CNTD1: variants seen among roughly 807,000 people sequenced by gnomAD.
CNTD1 encodes cyclin N-terminal domain containing 1.
In CNTD1, 17 loss-of-function variants were observed where a neutral mutation model predicts 36.3. The ratio of observed to expected loss-of-function variants is 0.47; its 90% CI spans 0.32 to 0.70. The LOEUF is 0.70. Ranked by LOEUF, CNTD1 falls within the 30% of genes least tolerant of loss-of-function variation. CNTD1 has a pLI of 0.03. For synonymous variants in CNTD1, 128 were observed against 153.3 expected, an observed-to-expected ratio of 0.83 and a Z score of 1.22; for missense variants, 338 against 386.1, an observed-to-expected ratio of 0.88 and a Z score of 1.04.
At chr17:42,808,315 G>A (rs1396183524) in intron 6 of CNTD1, among the ~76,000 whole-genome samples, 4 of 151,996 alleles carry the variant, frequency 2.6e-5, no homozygotes, top group African/African-American at 4.8e-5. Context: ...TTAGGAGGCC[G>A]AGGTGGGTGG....
At chr17:42,800,538 T>G (rs2054762511) in intron 1 of CNTD1, among the ~76,000 whole-genome samples, 1 of 152,180 alleles carries the variant, frequency 6.6e-6, no homozygotes, top group Non-Finnish European at 1.5e-5. Flanking sequence ...AGTTTATCCT[T>G]GGTTTGGTAG....
rs777631230 is a variant in CNTD1, at chr17:42,804,285, T to C, written c.306T>C (p.Asn102=). The C allele has an allele frequency of 1.2e-6, 2 of 1,614,042 alleles. No individual in the cohort carries two copies. Among genetic ancestry groups the C allele is most frequent in the Non-Finnish European group, 1.7e-6 (2 of 1,179,986 alleles). The change falls in exon 3 of 7, where the codon AAT becomes AAC. Residue 102 remains asparagine (N), a synonymous_variant. Coordinates refer to ENST00000588408, the MANE Select transcript of CNTD1 (RefSeq NM_173478.3). The stretch of plus-strand genomic sequence containing the variant: ...AAGCCACAATCCAGCCAAGAGATAA[T>C]AAGAGAGAGTCTCAGAATTGGAGGG... ...CRQATIQPRD[N]KRESQNWRAL...
At chr17:42,807,468 GTGTT>G (rs1445272384) in intron 5 of CNTD1, among the ~76,000 whole-genome samples, 1 of 152,032 alleles carries the variant, frequency 6.6e-6, no homozygotes, top group Admixed American at 6.6e-5. Context: ...TTGGACAAGA[GTGTT>G]TGATTACTGT....
chr17:42,807,904 T>G (rs1173899545), intron 6 of CNTD1, 40 bp downstream of exon 6: 14 of 1,445,958 alleles, frequency 9.7e-6, no homozygotes, highest in Non-Finnish European at 1.3e-5. Context: ...TGAGAATTCA[T>G]TTAACAGAAA....
At chr17:42,801,277 G>C (rs1393061545) in intron 1 of CNTD1, among the ~76,000 whole-genome samples, 2 of 149,124 alleles carry the variant, frequency 1.3e-5, no homozygotes, top group Non-Finnish European at 3.0e-5. Context: ...ACTTTTGTTT[G>C]GGAAAGATAA....
rs1337142102 is a variant in CNTD1 at position 42,801,530 on chromosome 17, T to A, written c.170-2090T>A. ...AAAAAAATATATATATATATATATATATATATATATATATATAATATATGT... is the reference window on the plus strand; with the variant it reads ...AAAAAAATATATATATATATATATAAATATATATATATATATAATATATGT... On this transcript the variant is annotated intron_variant, in intron 1 of 6. Coordinates refer to ENST00000588408, the MANE Select transcript of CNTD1 (RefSeq NM_173478.3). 9.2e-4 allele frequency among the ~76,000 whole-genome samples: 75 copies of A among 81,228 alleles called. 3 individuals carry two copies. Among genetic ancestry groups the A allele is most frequent in the African/African-American group, 3.4e-3 (69 of 20,008 alleles). 53.3% of individuals were successfully genotyped at this position (81,228 alleles called of 152,430 possible).
At chr17:42,804,453 T>C in intron 3 of CNTD1, 57 bp downstream of exon 3, 5 of 1,440,942 alleles carry the variant, frequency 3.5e-6, no homozygotes, top group Non-Finnish European at 4.8e-6. Context: ...CCAGCTTTTA[T>C]ACAAAGGGGG....
chr17:42,801,549 T>TATATA (rs1567660361), intron 1 of CNTD1, among the ~76,000 whole-genome samples: 70 of 45,412 alleles, frequency 1.5e-3, no homozygotes, highest in South Asian at 3.9e-3. Context: ...ATATATATAA[T>TATATA]ATATGTGTGT....
Position 42,810,888 on chromosome 17 carries a change from T to G in CNTD1, c.*1353T>G, listed in dbSNP as rs751161673. 1.2e-6 allele frequency: 2 copies of G among 1,612,692 alleles called. No individual in the cohort carries two copies. Among genetic ancestry groups the G allele is most frequent in the African/African-American group, 2.7e-5 (2 of 74,870 alleles). The stretch of plus-strand genomic sequence containing the variant: ...GTTTTGATGGAATAGGAGCCGCCAC[T>G]GCCTCCTGTGTCTTCAATCTTGCCT... On this transcript the variant is annotated 3_prime_UTR_variant, in exon 7 of 7. Coordinates refer to ENST00000588408, the MANE Select transcript of CNTD1 (RefSeq NM_173478.3).
Position 42,810,761 on chromosome 17 carries a change from C to T in CNTD1, c.*1226C>T, listed in dbSNP as rs1429110551. On this transcript the variant is annotated 3_prime_UTR_variant, in exon 7 of 7. Transcript: ENST00000588408. ...CAAACCTCCCCCTAAGGAAAAAAGT[C>T]ATTTGTTATAAAATTGTGAGGACAC... 6.3e-7 allele frequency: 1 copy of T among 1,598,062 alleles called. No homozygotes were observed. Among genetic ancestry groups the T allele is most frequent in the Non-Finnish European group, 8.5e-7 (1 of 1,173,354 alleles).
Position 42,804,220 on chromosome 17 carries a change from T to C in CNTD1, c.246-5T>C, listed in dbSNP as rs1346259152. The C allele has an allele frequency of 1.2e-6, 2 of 1,611,912 alleles. No homozygotes were observed. The highest frequency in any genetic ancestry group is 3.4e-5 in the Admixed American group (2 of 59,692). ...GATTGTTTACTCTCCCTCCCTTCCC[T>C]ACAGGTTTATGGTAAAACAGGCAGA... On this transcript the variant is annotated splice_region_variant and splice_polypyrimidine_tract_variant and intron_variant, in intron 2 of 6. Coordinates refer to ENST00000588408, the MANE Select transcript of CNTD1 (RefSeq NM_173478.3).
chr17:42,810,666 A>G lies in CNTD1; in HGVS notation c.*1131A>G. On this transcript the variant is annotated 3_prime_UTR_variant, in exon 7 of 7. Transcript: ENST00000588408. ...TTCTTTTTTGGTATTGTAAACATGTACTGTTTAATATTACCCGAATTTAAT... is the reference window on the plus strand; with the variant it reads ...TTCTTTTTTGGTATTGTAAACATGTGCTGTTTAATATTACCCGAATTTAAT... The G allele has an allele frequency of 7.6e-7, 1 of 1,318,548 alleles. No homozygotes were observed. The highest frequency in any genetic ancestry group is 2.4e-5 in the East Asian group (1 of 41,598). The allele number at this position is 1,318,548 out of a possible 1,614,324, so 81.7% of individuals were successfully genotyped here. A position where few individuals can be genotyped will look rare whatever the true frequency, so the allele number is the denominator to read the frequency against.
intron 3 of CNTD1, among the ~76,000 whole-genome samples, chr17:42,804,698 C>G (rs1374789975): frequency 6.6e-6 from 1 of 152,002 alleles, no homozygotes; most frequent in Admixed American, 6.6e-5. Flanking sequence ...ATTCCAGCTC[C>G]TCAGGAGGCT....
Position 42,811,292 on chromosome 17 carries a change from T to G in CNTD1, c.*1757T>G, listed in dbSNP as rs564563885. The G allele has an allele frequency of 3.6e-6, 1 of 278,372 alleles. No individual in the cohort carries two copies. Among genetic ancestry groups the G allele is most frequent in the African/African-American group, 2.2e-5 (1 of 45,806 alleles). 17.2% of individuals were successfully genotyped at this position (278,372 alleles called of 1,614,324 possible). A position where few individuals can be genotyped will look rare whatever the true frequency, so the allele number is the denominator to read the frequency against. On this transcript the variant is annotated 3_prime_UTR_variant, in exon 7 of 7. Coordinates refer to ENST00000588408, the MANE Select transcript of CNTD1 (RefSeq NM_173478.3). ...TTTGGGGTGATAGAAGCAGCCTTAC[T>G]CTAAGTAAAAACTAGAGTTTCCATC...
At chr17:42,801,493 C>G (rs2054782347) in intron 1 of CNTD1, among the ~76,000 whole-genome samples, 1 of 46,998 alleles carries the variant, frequency 2.1e-5, no homozygotes, top group African/African-American at 1.3e-4. Context: ...GAGACCTTGT[C>G]TCAAAAAAAA....
chr17:42,799,622 C>T (rs764644466), intron 1 of CNTD1, among the ~76,000 whole-genome samples: 9 of 151,326 alleles, frequency 5.9e-5, no homozygotes, highest in Non-Finnish European at 7.4e-5. Context: ...ACTGGTGGCG[C>T]GCACCTCTAA....
chr17:42,801,666 A>T (rs1454081214), intron 1 of CNTD1, among the ~76,000 whole-genome samples: 2 of 150,884 alleles, frequency 1.3e-5, no homozygotes, highest in Non-Finnish European at 2.9e-5. Context: ...CTATTCAAAG[A>T]GTAGGTTAGA....
rs1274380072 is a variant in CNTD1, at chr17:42,811,091, G to A, written c.*1556G>A. On this transcript the variant is annotated 3_prime_UTR_variant, in exon 7 of 7. Coordinates refer to ENST00000588408, the MANE Select transcript of CNTD1 (RefSeq NM_173478.3). ...GATTTGCTTGAAAGCCAAAAATCAAGAAGACTGTCACAAGAGCCTCATTGT... is the reference window on the plus strand; with the variant it reads ...GATTTGCTTGAAAGCCAAAAATCAAAAAGACTGTCACAAGAGCCTCATTGT... 3.0e-6 allele frequency: 2 copies of A among 665,556 alleles called. No individual in the cohort carries two copies. The highest frequency in any genetic ancestry group is 2.4e-6 in the Non-Finnish European group (1 of 423,694). 41.2% of individuals were successfully genotyped at this position (665,556 alleles called of 1,614,324 possible).
At chr17:42,802,859 A>G (rs1597914140) in intron 1 of CNTD1, among the ~76,000 whole-genome samples, 1 of 152,354 alleles carries the variant, frequency 6.6e-6, no homozygotes, top group East Asian at 1.9e-4. Flanking sequence ...CAAGATAAAT[A>G]TAATTCTATC....
Sources: allele counts gnomAD v4.1 joint callset (sites outside exome capture counted in the v4.1 genomes callset), GRCh38; gene constraint gnomAD v4.1.1; transcripts MANE v1.5; gene names NCBI Gene and HGNC (gene_info 2026-07-23, HGNC 2026-07-21).